Variants in C12orf50 observed in about 807,000 individuals in gnomAD.
C12orf50 encodes the protein uncharacterized protein C12orf50.
Under a neutral mutation model 61.6 loss-of-function variants are expected in C12orf50, and 35 were observed. The ratio of observed to expected loss-of-function variants is 0.57; its 90% CI spans 0.43 to 0.75. C12orf50 has a LOEUF of 0.75. C12orf50 is among the 30% of genes least tolerant of loss of function. The pLI is 0.00. For missense variants in C12orf50, 475 were observed against 488.5 expected, an observed-to-expected ratio of 0.97 and a Z score of 0.26; for synonymous variants, 178 against 161.5, an observed-to-expected ratio of 1.10 and a Z score of -0.77.
In C12orf50 at chr12:88,007,484, C is replaced by T. The variant is rs572277014; in HGVS notation, c.134-9294G>A. Among the ~76,000 whole-genome samples the T allele has an allele frequency of 1.7e-4, 26 of 152,304 alleles. No individual in the cohort carries two copies. The South Asian group carries it at 5.4e-3, about 32-fold the overall frequency. On this transcript the variant is annotated intron_variant, in intron 3 of 12. Coordinates refer to ENST00000298699, the MANE Select transcript of C12orf50 (RefSeq NM_152589.3). ...GAGAAGTCTAAGGTCAAGGCACTGG[C>T]AGGCTTGGTCTCTATTGAGGACTCC...
chr12:88,023,399 C>T (rs970918424), intron 3 of C12orf50, among the ~76,000 whole-genome samples: 2 of 151,926 alleles, frequency 1.3e-5, no homozygotes, highest in East Asian at 3.9e-4. Flanking sequence ...GGCACGGTGG[C>T]TCATGCCTAT....
intron 7 of C12orf50, among the ~76,000 whole-genome samples, chr12:87,992,047 A>C (rs556121898): frequency 6.6e-6 from 1 of 152,272 alleles, no homozygotes; most frequent in South Asian, 2.1e-4. Flanking sequence ...ATGGCTGGAG[A>C]CAGGAGAGGG....
chr12:88,026,729 G>A (rs1367648798), intron 2 of C12orf50, 121 bp from the exon 3 acceptor site: 4 of 1,369,436 alleles, frequency 2.9e-6, no homozygotes, highest in Admixed American at 2.3e-5. Context: ...TTAGGATCAT[G>A]TGTGTCTTCC....
Position 87,995,722 on chromosome 12 carries a change from A to G in C12orf50, c.481+652T>C, listed in dbSNP as rs184518926. Among the ~76,000 whole-genome samples, 49 of 152,216 alleles carry G rather than the reference A, an allele frequency of 3.2e-4. No homozygotes were observed. In the East Asian group the frequency reaches 7.3e-3, roughly 23 times the overall value. On this transcript the variant is annotated intron_variant, in intron 6 of 12. Transcript: ENST00000298699. ...CTTCTCTGAGCAGTGCTGGCCTGCA[A>G]TCTGTCCTTCCCTATATGGTTCCCA... is the stretch of plus-strand genomic sequence containing the variant.
At chr12:87,984,076 G>T in intron 11 of C12orf50, 1 of 150,798 alleles carries the variant, frequency 6.6e-6, no homozygotes, top group Admixed American at 6.7e-5. Context: ...TTTAATGATT[G>T]CCATTCTAAC....
chr12:88,005,934 T>TTTTTTG (rs1565752378), intron 3 of C12orf50, among the ~76,000 whole-genome samples: 3 of 116,904 alleles, frequency 2.6e-5, no homozygotes, highest in Middle Eastern at 6.1e-3. Context: ...TTTTTTTTTT[T>TTTTTTG]GAGACGGAGT....
At position 88,026,654 on chromosome 12, in the gene C12orf50, T is replaced by G. The variant is rs2032718196; in HGVS notation, c.13-46A>C. On this transcript the variant is annotated intron_variant, in intron 2 of 12. Transcript: ENST00000298699. ...GGAAATGTAATGATTAGATGCCATA[T>G]TTACAACAAATACAATGTGCTACAA... 3.1e-6 allele frequency: 5 copies of G among 1,600,762 alleles called. No homozygotes were observed. In the East Asian group the frequency reaches 1.1e-4, roughly 36 times the overall value.
intron 9 of C12orf50, 35 bp downstream of exon 9, chr12:87,987,815 T>C (rs775424402): frequency 2.2e-6 from 3 of 1,350,302 alleles, no homozygotes; most frequent in Non-Finnish European, 3.2e-6. Flanking sequence ...GACAAATATA[T>C]CTGAGGCCAA....
At chr12:88,023,844 A>T (rs1346671554) in intron 3 of C12orf50, among the ~76,000 whole-genome samples, 1 of 152,196 alleles carries the variant, frequency 6.6e-6, no homozygotes, top group Admixed American at 6.5e-5. Flanking sequence ...CTACCAACAG[A>T]GTAAACAGAC....
intron 3 of C12orf50, among the ~76,000 whole-genome samples, chr12:88,015,734 T>C (rs1421639078): frequency 1.3e-5 from 2 of 152,236 alleles, no homozygotes; most frequent in African/African-American, 4.8e-5. Flanking sequence ...TATGTTTTCT[T>C]AGCATTCTCA....
chr12:87,998,737 T>C (rs1291285711), intron 3 of C12orf50, among the ~76,000 whole-genome samples: 1 of 152,064 alleles, frequency 6.6e-6, no homozygotes, highest in Non-Finnish European at 1.5e-5. Context: ...TGGACTAGCA[T>C]AAAAATAAAA....
intron 12 of C12orf50, among the ~76,000 whole-genome samples, chr12:87,981,567 C>T (rs1387827216): frequency 6.6e-6 from 1 of 152,142 alleles, no homozygotes; most frequent in African/African-American, 2.4e-5. Flanking sequence ...TGGATGCTGG[C>T]TCAGTTTCTC....
chr12:87,985,690 A>C (rs1592645041), intron 11 of C12orf50, 160 bp downstream of exon 11: 1 of 693,588 alleles, frequency 1.4e-6, no homozygotes, highest in South Asian at 1.8e-5. Context: ...CATGTGCAGG[A>C]CTGCACATGG....
At chr12:88,009,689 G>T (rs1231570395) in intron 3 of C12orf50, among the ~76,000 whole-genome samples, 1 of 152,096 alleles carries the variant, frequency 6.6e-6, no homozygotes, top group Non-Finnish European at 1.5e-5. Context: ...TGGTAAAACA[G>T]AAAAACCTAT....
intron 3 of C12orf50, among the ~76,000 whole-genome samples, chr12:88,001,115 T>G (rs2136441032): frequency 6.6e-6 from 1 of 151,974 alleles, no homozygotes; most frequent in South Asian, 2.1e-4. Flanking sequence ...TCATCAAGTA[T>G]GCTATCAGCT....
intron 3 of C12orf50, among the ~76,000 whole-genome samples, chr12:88,001,829 G>A (rs943250036): frequency 6.6e-6 from 1 of 151,180 alleles, no homozygotes; most frequent in Admixed American, 6.6e-5. Context: ...ATAATATTGG[G>A]AGTGATGTCT....
intron 3 of C12orf50, among the ~76,000 whole-genome samples, chr12:88,010,667 C>G (rs573230551): frequency 3.3e-5 from 5 of 151,626 alleles, no homozygotes; most frequent in Admixed American, 2.0e-4. Flanking sequence ...GATATTTCAT[C>G]AAAAATAAAG....
chr12:88,019,790 G>C (rs2032448493), intron 3 of C12orf50, among the ~76,000 whole-genome samples: 1 of 152,082 alleles, frequency 6.6e-6, no homozygotes, highest in Admixed American at 6.6e-5. Flanking sequence ...CAGCTGGAGA[G>C]AAGGGTAGGT....
At chr12:88,025,423 T>C (rs1450933709) in intron 3 of C12orf50, among the ~76,000 whole-genome samples, 3 of 151,624 alleles carry the variant, frequency 2.0e-5, no homozygotes, top group Non-Finnish European at 4.4e-5. Flanking sequence ...GCAATGGAGG[T>C]TTAAGGAGAG....
Sources: allele counts gnomAD v4.1 joint callset (sites outside exome capture counted in the v4.1 genomes callset), GRCh38; gene constraint gnomAD v4.1.1; transcripts MANE v1.5; gene names NCBI Gene and HGNC (gene_info 2026-07-23, HGNC 2026-07-21).